The following CEACAM21 variants were observed in gnomAD, a reference collection of about 807,000 sequenced individuals.
CEACAM21 encodes cell adhesion molecule CEACAM21.
In CEACAM21, 38 loss-of-function variants were observed where a neutral mutation model predicts 33.2. That is an observed-to-expected ratio of 1.14 (90% CI 0.88 to 1.50). The LOEUF is 1.50. CEACAM21 is among the 40% of genes most tolerant of loss of function. The pLI, the probability that CEACAM21 is intolerant of heterozygous loss-of-function variation, is 0.00. For synonymous variants in CEACAM21, 156 were observed against 143.0 expected, an observed-to-expected ratio of 1.09 and a Z score of -0.65; for missense variants, 385 against 364.6, an observed-to-expected ratio of 1.06 and a Z score of -0.46.
chr19:41,564,490 C>G (rs1272011442), intron 1 of CEACAM21, among the ~76,000 whole-genome samples: 1 of 152,132 alleles, frequency 6.6e-6, no homozygotes, highest in African/African-American at 2.4e-5. Context: ...CTTAGCCTGA[C>G]GACACTCCGC....
At chr19:41,577,801 C>T (rs1396684385) in intron 2 of CEACAM21, among the ~76,000 whole-genome samples, 1 of 152,176 alleles carries the variant, frequency 6.6e-6, no homozygotes, top group South Asian at 2.1e-4. Flanking sequence ...GGAGATGCAG[C>T]GGGGGAAAAT....
rs1555795615 is a variant in CEACAM21 at position 41,586,511 on chromosome 19, A to G, written c.*48A>G. ...ACATTTACTGCTGGATCGACCACAA[A>G]GCAGATGTGGCTTCTTAGGTTCCTC... On this transcript the variant is annotated 3_prime_UTR_variant, in exon 7 of 7. Transcript: ENST00000401445. The G allele has an allele frequency of 3.2e-6, 2 of 633,158 alleles. No homozygotes were observed. Among genetic ancestry groups the G allele is most frequent in the South Asian group, 1.4e-5 (1 of 73,390 alleles). The allele number at this position is 633,158 out of a possible 1,614,324, so 39.2% of individuals were successfully genotyped here. A position where few individuals can be genotyped will look rare whatever the true frequency, so the allele number is the denominator to read the frequency against.
chr19:41,577,234 T>C lies in CEACAM21; in HGVS notation c.99T>C (p.Thr33=), dbSNP rs782116723. 3.1e-6 allele frequency: 5 copies of C among 1,614,170 alleles called. No homozygotes were observed. In the South Asian group the frequency reaches 4.4e-5, roughly 14 times the overall value. Residue 33 remains threonine (T), a synonymous_variant, in exon 2 of 7, where the codon ACT becomes ACC. Transcript: ENST00000401445. ...SLLTFWNAPT[T]AWLFIASAPF... ...TAACTTTCTGGAACGCACCCACCAC[T>C]GCCTGGCTCTTTATTGCATCAGCGC...
chr19:41,554,180 T>G (rs1048605284), intron 1 of CEACAM21, among the ~76,000 whole-genome samples: 2 of 152,020 alleles, frequency 1.3e-5, no homozygotes, highest in Non-Finnish European at 2.9e-5. Context: ...CAATGAACAT[T>G]TTAGCTCTCC....
chr19:41,579,477 T>A lies in CEACAM21; in HGVS notation c.549T>A (p.Arg183=). 1.9e-6 allele frequency: 3 copies of A among 1,613,850 alleles called. No homozygotes were observed. The highest frequency in any genetic ancestry group is 2.5e-6 in the Non-Finnish European group (3 of 1,179,832). Residue 183 remains arginine (R), a synonymous_variant, in exon 3 of 7, where the codon CGT becomes CGA. Coordinates refer to ENST00000401445, the MANE Select transcript of CEACAM21 (RefSeq NM_001098506.4). The part of the protein sequence containing the change: ...TSFQWIFNNQ[R]LQVTKRMKLS... ...TCCAGTGGATTTTCAACAACCAGCG[T>A]CTGCAGGTCACGAAGAGGATGAAGC...
intron 4 of CEACAM21, among the ~76,000 whole-genome samples, chr19:41,584,666 C>G (rs543799265): frequency 1.3e-5 from 2 of 152,304 alleles, no homozygotes; most frequent in South Asian, 4.1e-4. Context: ...AGGCCATGCC[C>G]CTGAGCATGG....
intron 1 of CEACAM21, among the ~76,000 whole-genome samples, chr19:41,563,734 C>T (rs1441413411): frequency 1.3e-5 from 2 of 152,244 alleles, no homozygotes; most frequent in Non-Finnish European, 1.5e-5. Flanking sequence ...TTGTCACCAA[C>T]CTGCCTTGAG....
intron 1 of CEACAM21, among the ~76,000 whole-genome samples, chr19:41,553,458 A>G (rs2041348063): frequency 6.6e-6 from 1 of 152,196 alleles, no homozygotes; most frequent in South Asian, 2.1e-4. Context: ...TTGCTTTATT[A>G]TGCTTTGCCA....
intron 2 of CEACAM21, among the ~76,000 whole-genome samples, chr19:41,570,905 G>A (rs1555789339): frequency 6.6e-6 from 1 of 152,156 alleles, no homozygotes; most frequent in Non-Finnish European, 1.5e-5. Flanking sequence ...GGGGACTGAG[G>A]TGTAAGGAGG....
At chr19:41,586,254 C>T in intron 6 of CEACAM21, 1 of 530,306 alleles carries the variant, frequency 1.9e-6, no homozygotes, top group Middle Eastern at 2.8e-4. Flanking sequence ...CAGGATCTGT[C>T]CCCACTGGCA....
chr19:41,562,936 G>A (rs1217540368), intron 1 of CEACAM21, among the ~76,000 whole-genome samples: 3 of 152,114 alleles, frequency 2.0e-5, no homozygotes, highest in Non-Finnish European at 4.4e-5. Context: ...CACTGTGTTA[G>A]CCAGGATGGT....
chr19:41,562,254 A>G (rs2041928195), intron 1 of CEACAM21, among the ~76,000 whole-genome samples: 1 of 151,016 alleles, frequency 6.6e-6, no homozygotes, highest in Admixed American at 6.6e-5. Flanking sequence ...CAAAAAAACA[A>G]AACAAAACAA....
At chr19:41,584,008 G>C (rs1316055089) in intron 3 of CEACAM21, among the ~76,000 whole-genome samples, 1 of 152,152 alleles carries the variant, frequency 6.6e-6, no homozygotes, top group African/African-American at 2.4e-5. Flanking sequence ...GGCAGCAAGG[G>C]CCTGCCCTTT....
rs758794598 is a variant in CEACAM21, at chr19:41,562,621, A to G, written c.-778-2061A>G. 3.9e-5 allele frequency among the ~76,000 whole-genome samples: 6 copies of G among 152,376 alleles called. No individual in the cohort carries two copies. In the East Asian group the frequency reaches 7.7e-4, roughly 20 times the overall value. On this transcript the variant is annotated intron_variant, in intron 1 of 7. Coordinates refer to the CEACAM21 transcript ENST00000407170. The stretch of plus-strand genomic sequence containing the variant: ...TTAATGCAACAGGAGAATACCTAAT[A>G]ATAAAAATGCAAAAACTACAGCCAG...
At chr19:41,585,726 C>G (rs1408138438) in intron 5 of CEACAM21, 114 bp from the exon 6 acceptor site, 8 of 1,209,494 alleles carry the variant, frequency 6.6e-6, no homozygotes, top group African/African-American at 4.5e-5. Context: ...CTAAAATAAC[C>G]TGAGAAAGGC....
In CEACAM21 at chr19:41,576,884, C is replaced by T. The variant is rs184732556; in HGVS notation, c.65-316C>T. Reference sequence around the variant, plus strand: ...TGGAGGGAACAGAGCTGGGAAAGGTCAGAAAGGGAAGACCCAGGGTCTCTA... The same window carrying T: ...TGGAGGGAACAGAGCTGGGAAAGGTTAGAAAGGGAAGACCCAGGGTCTCTA... On this transcript the variant is annotated intron_variant, in intron 1 of 6. Transcript: ENST00000401445. 4.0e-3 allele frequency among the ~76,000 whole-genome samples: 611 copies of T among 152,244 alleles called. 3 individuals carry two copies. The highest frequency in any genetic ancestry group is 6.7e-3 in the Non-Finnish European group (455 of 68,018).
chr19:41,575,348 T>TTATAA (rs1293344999), upstream of CEACAM21, among the ~76,000 whole-genome samples: 1 of 152,210 alleles, frequency 6.6e-6, no homozygotes, highest in Non-Finnish European at 1.5e-5. Flanking sequence ...ATCTTATGTA[T>TTATAA]TATACCATAT....
rs199631079 is a variant in CEACAM21 at position 41,585,495 on chromosome 19, G to A, written c.850G>A (p.Gly284Ser). The part of the protein sequence containing the change: ...REQQPPASTP[G>S]HGPSDSSIS Reference sequence around the variant, plus strand: ...GCAGCAGCCCCCAGCCTCCACCCCCGGTGAGTGTCCCTTCAGTCTGGGTGT... The same window carrying A: ...GCAGCAGCCCCCAGCCTCCACCCCCAGTGAGTGTCCCTTCAGTCTGGGTGT... The change falls in exon 5 of 7, where the codon GGC (glycine) becomes AGC (serine). Residue 284 changes from glycine to serine, a missense_variant and splice_region_variant. Physicochemically the swap from Gly to Ser is moderately conservative, Grantham distance 56 (BLOSUM62 0). Transcript: ENST00000401445. The A allele has an allele frequency of 4.9e-5, 79 of 1,613,772 alleles. No homozygotes were observed. Among genetic ancestry groups the A allele is most frequent in the African/African-American group, 1.2e-4 (9 of 74,994 alleles).
chr19:41,564,418 C>T (rs1555787738), intron 1 of CEACAM21, among the ~76,000 whole-genome samples: 1 of 152,100 alleles, frequency 6.6e-6, no homozygotes, highest in African/African-American at 2.4e-5. Context: ...CTCGCCTTAG[C>T]TAATCCTGCG....
Sources: allele counts gnomAD v4.1 joint callset (sites outside exome capture counted in the v4.1 genomes callset), GRCh38; gene constraint gnomAD v4.1.1; transcripts MANE v1.5; gene names NCBI Gene and HGNC (gene_info 2026-07-23, HGNC 2026-07-21).